Variants in METTL15 observed in about 807,000 individuals in gnomAD.
METTL15 encodes the protein 12S rRNA N(4)-cytidine methyltransferase METTL15.
METTL15 carries 34 observed loss-of-function variants against 38.3 expected under a neutral mutation model. That is an observed-to-expected ratio of 0.89 (90% CI 0.68 to 1.18). The LOEUF is 1.18. Among genes scored for constraint, METTL15 ranks in the 50% most tolerant of loss-of-function variants. METTL15 has a pLI of 0.00. For synonymous variants in METTL15, 162 were observed against 170.9 expected (o/e 0.95, Z 0.41); for missense variants, 438 against 498.4 (o/e 0.88, Z 1.15).
At chr11:28,310,941 GTGGTGGTGGTGGTGGTGGTGGTGGGT>G (rs1298991836) in intron 6 of METTL15, among the ~76,000 whole-genome samples, 26 of 141,854 alleles carry the variant, frequency 1.8e-4, no homozygotes, top group African/African-American at 6.8e-4. Flanking sequence ...GGTGGTGGTG[GTGGTGGTGGTGGTGGTGGTGGTGGGT>G]GTGTGTGTGT....
At chr11:28,426,403 A>G (rs1266746211) in intron 6 of METTL15, among the ~76,000 whole-genome samples, 1 of 151,996 alleles carries the variant, frequency 6.6e-6, no homozygotes, top group Non-Finnish European at 1.5e-5. Flanking sequence ...ATGTGTCTTT[A>G]TAATAGAATG....
chr11:28,468,042 A>G (rs1428047051), intron 6 of METTL15, among the ~76,000 whole-genome samples: 2 of 140,602 alleles, frequency 1.4e-5, no homozygotes, highest in African/African-American at 2.7e-5. Context: ...ATAACAATCT[A>G]AGCATAAAAC....
intron 3 of METTL15, among the ~76,000 whole-genome samples, chr11:28,343,122 C>A (rs560548069): frequency 6.6e-6 from 1 of 151,718 alleles, no homozygotes; most frequent in Non-Finnish European, 1.5e-5. Flanking sequence ...ATGAAGAAAA[C>A]CATGTTTAAA....
intron 4 of METTL15, among the ~76,000 whole-genome samples, chr11:28,219,836 A>G (rs868743103): frequency 3.9e-5 from 6 of 152,036 alleles, no homozygotes; most frequent in Admixed American, 6.6e-5. Flanking sequence ...GTCATTCAGG[A>G]GCAGGTTGTT....
rs147145972 is a variant in METTL15 at position 28,211,076 on chromosome 11, G to A, written c.285G>A (p.Met95Ile). Residue 95 changes from methionine (M) to isoleucine (I), a missense_variant, in exon 4 of 7, where the codon ATG (methionine) becomes ATA (isoleucine). Physicochemically the swap from Met to Ile is conservative, Grantham distance 10. Transcript: ENST00000407364. ...GTGTTTGCTAGATTTTTCTAGATAT[G>A]ACATTTGGTTCGGGAGGGCACACAA... Reference protein sequence around the residue: ...SPQKGQIFLDMTFGSGGHTKA... With the variant: ...SPQKGQIFLDITFGSGGHTKA... 25 of 1,608,292 alleles carry A rather than the reference G, an allele frequency of 1.6e-5. No homozygotes were observed. The African/African-American group carries it at 3.2e-4, about 21-fold the overall frequency.
intron 5 of METTL15, among the ~76,000 whole-genome samples, chr11:28,403,005 G>A (rs192210642): frequency 6.6e-6 from 1 of 151,974 alleles, no homozygotes; most frequent in African/African-American, 2.4e-5. Flanking sequence ...CAAAGGAAAA[G>A]AAATCATTGT....
intron 6 of METTL15, among the ~76,000 whole-genome samples, chr11:28,514,649 C>T (rs901810278): frequency 6.6e-6 from 1 of 152,302 alleles, no homozygotes; most frequent in African/African-American, 2.4e-5. Flanking sequence ...TCAGAGTGTG[C>T]CTGTCTCTTA....
At chr11:28,384,383 A>ACTGCAACCTCTGCCTCC (rs1179119141) in intron 5 of METTL15, among the ~76,000 whole-genome samples, 1 of 151,560 alleles carries the variant, frequency 6.6e-6, no homozygotes, top group Non-Finnish European at 1.5e-5. Flanking sequence ...ATGTTGGCTC[A>ACTGCAACCTCTGCCTCC]CTGCAACCTC....
At chr11:28,363,992 G>T (rs1394179805) in intron 5 of METTL15, among the ~76,000 whole-genome samples, 2 of 152,048 alleles carry the variant, frequency 1.3e-5, no homozygotes, top group African/African-American at 4.8e-5. Flanking sequence ...AATGGCTGTA[G>T]GTCTGTGAGT....
Position 28,215,551 on chromosome 11 carries a change from C to T in METTL15, c.407+4353C>T, listed in dbSNP as rs986161874. Among the ~76,000 whole-genome samples the T allele has an allele frequency of 2.0e-5, 3 of 151,670 alleles. No homozygotes were observed. In the East Asian group the frequency reaches 5.8e-4, roughly 29 times the overall value. ...TATTGTTTTCTGAGCCCCAACAGTA[C>T]CTAGAAAGGGAAATGGGAAAAAATA... On this transcript the variant is annotated intron_variant, in intron 4 of 6. Transcript: ENST00000407364.
intron 4 of METTL15, among the ~76,000 whole-genome samples, chr11:28,250,206 T>G (rs373144442): frequency 9.9e-5 from 15 of 152,180 alleles, no homozygotes; most frequent in African/African-American, 3.6e-4. Context: ...ATCTTTATGG[T>G]AGAATGATGT....
chr11:28,401,955 TC>T (rs1325905718), intron 5 of METTL15, among the ~76,000 whole-genome samples: 2 of 152,034 alleles, frequency 1.3e-5, no homozygotes, highest in Non-Finnish European at 2.9e-5. Context: ...TTTTTCCTTG[TC>T]AGTGAATGTA....
rs1236232981 is a variant in METTL15, at chr11:28,184,428, T to A, written c.271-26634T>A. ...ATAAATTTCCCTCTACACACTGTTT[T>A]AAATGTGTCCCAGAGATTCTGGTAC... is the stretch of plus-strand genomic sequence containing the variant. On this transcript the variant is annotated intron_variant, in intron 3 of 6. Coordinates refer to ENST00000407364, the MANE Select transcript of METTL15 (RefSeq NM_001113528.2). 3.9e-5 allele frequency among the ~76,000 whole-genome samples: 6 copies of A among 152,150 alleles called. No individual in the cohort carries two copies. The South Asian group carries it at 1.0e-3, about 26-fold the overall frequency.
chr11:28,265,076 T>G (rs942935246), intron 4 of METTL15, among the ~76,000 whole-genome samples: 4 of 152,174 alleles, frequency 2.6e-5, no homozygotes, highest in African/African-American at 9.7e-5. Flanking sequence ...AGAGGCTTTG[T>G]GAAATGATTC....
intron 6 of METTL15, 145 bp downstream of exon 6, chr11:28,297,076 G>T (rs1488042602): frequency 1.2e-6 from 1 of 826,424 alleles, no homozygotes; most frequent in Non-Finnish European, 1.8e-6. Flanking sequence ...TTGAAATCCA[G>T]GATAGAATCT....
chr11:28,343,995 G>A (rs922016091), intron 3 of METTL15, among the ~76,000 whole-genome samples: 4 of 152,158 alleles, frequency 2.6e-5, no homozygotes, highest in Admixed American at 6.5e-5. Context: ...TATAACATTC[G>A]TTTAAGGTGA....
chr11:28,278,906 A>G (rs560333510), intron 4 of METTL15, among the ~76,000 whole-genome samples: 39 of 152,274 alleles, frequency 2.6e-4, no homozygotes, highest in Non-Finnish European at 5.4e-4. Flanking sequence ...GGCTCACTGC[A>G]ACCTCCGCTC....
chr11:28,248,762 C>G (rs1257667589), intron 4 of METTL15, among the ~76,000 whole-genome samples: 1 of 151,664 alleles, frequency 6.6e-6, no homozygotes, highest in African/African-American at 2.4e-5. Flanking sequence ...TTTAGTTAAT[C>G]TTTACAATAA....
intron 6 of METTL15, among the ~76,000 whole-genome samples, chr11:28,454,431 G>A (rs1332319003): frequency 6.6e-6 from 1 of 152,204 alleles, no homozygotes; most frequent in Non-Finnish European, 1.5e-5. Context: ...CTTAATAGAA[G>A]TTCTTCTGAG....
Sources: allele counts gnomAD v4.1 joint callset (sites outside exome capture counted in the v4.1 genomes callset), GRCh38; gene constraint gnomAD v4.1.1; transcripts MANE v1.5; gene names NCBI Gene and HGNC (gene_info 2026-07-23, HGNC 2026-07-21).